The following PAX7 variants were observed in gnomAD, a reference collection of about 807,000 sequenced individuals.
PAX7 encodes paired box protein Pax-7.
In PAX7, 18 loss-of-function variants were observed where a neutral mutation model predicts 50.7. The observed-to-expected ratio is 0.36, with a 90% CI of 0.25 to 0.53. The LOEUF (loss-of-function observed/expected upper bound fraction) is 0.53. Among genes scored for constraint, PAX7 ranks in the 20% least tolerant of loss-of-function variants. PAX7 has a pLI of 0.93. For synonymous variants in PAX7, 310 were observed against 290.4 expected (o/e 1.07, Z -0.69); for missense variants, 644 against 702.9 (o/e 0.92, Z 0.95).
intron 4 of PAX7, among the ~76,000 whole-genome samples, chr1:18,638,532 C>T (rs997319467): frequency 6.6e-6 from 1 of 152,180 alleles, no homozygotes; most frequent in Non-Finnish European, 1.5e-5. Flanking sequence ...CCAGAAAGTC[C>T]CGCAGTTTTT....
Position 18,631,582 on chromosome 1 carries a change from T to C in PAX7, c.-22T>C. 1.2e-6 allele frequency: 2 copies of C among 1,606,572 alleles called. No homozygotes were observed. The highest frequency in any genetic ancestry group is 1.7e-6 in the Non-Finnish European group (2 of 1,176,442). ...GGAAGCGATTTTTGCCGACTTTGGA[T>C]TCGTCCCCGGCGTGCGCAAGAATGG... On this transcript the variant is annotated 5_prime_UTR_variant, in exon 1 of 9. Transcript: ENST00000420770.
At chr1:18,666,551 C>T (rs2088671963) in intron 4 of PAX7, among the ~76,000 whole-genome samples, 1 of 152,224 alleles carries the variant, frequency 6.6e-6, no homozygotes, top group Non-Finnish European at 1.5e-5. Context: ...CTGCGGTCAG[C>T]TTTGATCCTC....
chr1:18,643,670 G>C (rs2088293655), intron 4 of PAX7, among the ~76,000 whole-genome samples: 3 of 152,318 alleles, frequency 2.0e-5, no homozygotes, highest in Admixed American at 6.5e-5. Context: ...AAGATAGGAG[G>C]CGGGCGAGCC....
intron 7 of PAX7, among the ~76,000 whole-genome samples, chr1:18,732,570 C>A (rs948532674): frequency 6.6e-6 from 1 of 152,158 alleles, no homozygotes; most frequent in African/African-American, 2.4e-5. Flanking sequence ...CAAGAAATAC[C>A]ACATTGTTTG....
rs2088076559 is a variant in PAX7 at position 18,632,784 on chromosome 1, T to A, written c.85+1096T>A. ...CCTTGGGCAGCGAGACGGCGCCGGG[T>A]CCCTGAATTAGACAGAGGCGAAGAG... On this transcript the variant is annotated intron_variant, in intron 1 of 8. Coordinates refer to ENST00000420770, the MANE Select transcript of PAX7 (RefSeq NM_001135254.2). This position sits in a 1 kb window ranked among gnomAD's most constrained non-coding sequence, Gnocchi z 6.3. Among the ~76,000 whole-genome samples the A allele has an allele frequency of 6.6e-6, 1 of 151,982 alleles. No individual in the cohort carries two copies. Among genetic ancestry groups the A allele is most frequent in the African/African-American group, 2.4e-5 (1 of 41,370 alleles).
At chr1:18,671,152 C>T (rs2088742991) in intron 4 of PAX7, among the ~76,000 whole-genome samples, 1 of 152,126 alleles carries the variant, frequency 6.6e-6, no homozygotes. Flanking sequence ...GCAGGACTTG[C>T]TTTTGAGGTA....
intron 7 of PAX7, among the ~76,000 whole-genome samples, chr1:18,733,850 C>T (rs2089677658): frequency 1.3e-5 from 2 of 152,180 alleles, no homozygotes; most frequent in South Asian, 2.1e-4. Flanking sequence ...CGAACTGAGC[C>T]CTGGGCCTGC....
intron 7 of PAX7, among the ~76,000 whole-genome samples, chr1:18,712,305 A>T (rs746286132): frequency 6.6e-6 from 1 of 151,344 alleles, no homozygotes; most frequent in African/African-American, 2.5e-5. Context: ...GGAAACGCTC[A>T]GTTATTTCCC....
chr1:18,680,109 T>TG (rs962325132), intron 4 of PAX7, among the ~76,000 whole-genome samples: 1 of 152,168 alleles, frequency 6.6e-6, no homozygotes, highest in Admixed American at 6.5e-5. Flanking sequence ...CCCAGAGGGA[T>TG]GAAGTTACTT....
Position 18,700,700 on chromosome 1 carries a change from C to T in PAX7, c.834C>T (p.Ala278=), listed in dbSNP as rs770067071. Residue 278 remains alanine, a synonymous_variant, in exon 6 of 9, where the codon GCC becomes GCT. Coordinates refer to ENST00000420770, the MANE Select transcript of PAX7 (RefSeq NM_001135254.2). This position sits in a 1 kb window ranked among gnomAD's most constrained non-coding sequence, Gnocchi z 4.8. ...CCCGTTGGCGTAAGCAGGCAGGAGC[C>T]AACCAGCTGGCGGCGTTCAACCACC... ...RRARWRKQAG[A]NQLAAFNHLL... 6 of 1,600,206 alleles carry T rather than the reference C, an allele frequency of 3.7e-6. No individual in the cohort carries two copies. Among genetic ancestry groups the T allele is most frequent in the African/African-American group, 1.4e-5 (1 of 74,024 alleles).
At chr1:18,649,119 T>G (rs967845688) in intron 4 of PAX7, among the ~76,000 whole-genome samples, 1 of 152,092 alleles carries the variant, frequency 6.6e-6, no homozygotes, top group Non-Finnish European at 1.5e-5. Flanking sequence ...TCTGGCCATT[T>G]TACAGATGGA....
At chr1:18,675,475 C>T in intron 4 of PAX7, among the ~76,000 whole-genome samples, 1 of 152,272 alleles carries the variant, frequency 6.6e-6, no homozygotes, top group South Asian at 2.1e-4. Context: ...GGTGACATAG[C>T]ATGTCAGGGC....
At chr1:18,668,397 G>A (rs2088698441) in intron 4 of PAX7, among the ~76,000 whole-genome samples, 1 of 152,156 alleles carries the variant, frequency 6.6e-6, no homozygotes, top group African/African-American at 2.4e-5. Flanking sequence ...CTCAGTAAAT[G>A]CTTGTTAAAA....
Position 18,638,685 on chromosome 1 carries a change from T to G in PAX7, c.586+2314T>G, listed in dbSNP as rs752025583. Among the ~76,000 whole-genome samples, 68 of 152,320 alleles carry G rather than the reference T, an allele frequency of 4.5e-4. 1 individual carries two copies. In the Middle Eastern group the frequency reaches 0.01, roughly 23 times the overall value. On this transcript the variant is annotated intron_variant, in intron 4 of 8. Transcript: ENST00000420770. ...ATATCTGTGCAAATGGGATTCAGCA[T>G]AGATGTGCAGGGAGTGTGTAGATGG...
intron 4 of PAX7, among the ~76,000 whole-genome samples, chr1:18,660,537 C>T (rs2088585110): frequency 2.6e-5 from 4 of 152,064 alleles, no homozygotes; most frequent in Admixed American, 2.6e-4. Context: ...GCCTCCCTTC[C>T]ACGCCCCAAG....
At chr1:18,738,123 A>G (rs1339217012) in intron 8 of PAX7, among the ~76,000 whole-genome samples, 1 of 151,964 alleles carries the variant, frequency 6.6e-6, no homozygotes, top group African/African-American at 2.4e-5. Flanking sequence ...GTAGACATAC[A>G]CTGTGTCTGT....
chr1:18,631,445 G>T lies in PAX7; in HGVS notation c.-159G>T. ...TGGACGCGTTTGACTGCAGCCAGGG[G>T]TGGGGGGTGGGGGTAGGGAGTGTGT... On this transcript the variant is annotated 5_prime_UTR_variant, in exon 1 of 9. Coordinates refer to ENST00000420770, the MANE Select transcript of PAX7 (RefSeq NM_001135254.2). The T allele has an allele frequency of 1.5e-6, 1 of 646,228 alleles. No individual in the cohort carries two copies. Among genetic ancestry groups the T allele is most frequent in the Non-Finnish European group, 2.7e-6 (1 of 364,348 alleles). The allele number at this position is 646,228 out of a possible 1,614,324, so 40.0% of individuals were successfully genotyped here.
intron 4 of PAX7, among the ~76,000 whole-genome samples, chr1:18,643,786 T>C (rs1436328269): frequency 1.3e-5 from 2 of 152,172 alleles, no homozygotes; most frequent in African/African-American, 4.8e-5. Flanking sequence ...GGCGGCTCGC[T>C]GCGATCCTGC....
chr1:18,733,602 G>C (rs1267539580), intron 7 of PAX7, among the ~76,000 whole-genome samples: 1 of 152,156 alleles, frequency 6.6e-6, no homozygotes, highest in Non-Finnish European at 1.5e-5. Context: ...GAGGAGGGGA[G>C]ACCCCCAGGG....
Sources: gnomAD v4.1 joint callset for allele counts (sites outside exome capture counted in the v4.1 genomes callset) on GRCh38, gnomAD v4.1.1 for gene constraint, Gnocchi (gnomAD v3.1) non-coding constraint, MANE v1.5 for transcripts, NCBI Gene and HGNC (gene_info 2026-07-23, HGNC 2026-07-21) for gene names.